Variants in PRELID2 observed in about 807,000 individuals in gnomAD.
PRELID2 encodes PRELI domain containing 2.
A neutral mutation model predicts 28.4 loss-of-function variants in PRELID2; 25 were observed. That is an observed-to-expected ratio of 0.88 (90% CI 0.64 to 1.23). PRELID2 has a LOEUF of 1.23. Among genes scored for constraint, PRELID2 ranks in the 50% most tolerant of loss-of-function variants. The probability of loss-of-function intolerance (pLI) is 0.00; values close to 1 mark genes in which losing one functional copy is unlikely to be tolerated. For synonymous variants in PRELID2, 76 were observed against 71.6 expected, an observed-to-expected ratio of 1.06 and a Z score of -0.31; for missense variants, 201 against 214.4, an observed-to-expected ratio of 0.94 and a Z score of 0.39.
At chr5:145,686,603 C>T (rs952850858) in intron 1 of PRELID2, among the ~76,000 whole-genome samples, 8 of 152,102 alleles carry the variant, frequency 5.3e-5, no homozygotes, top group Non-Finnish European at 8.8e-5. Flanking sequence ...TATTTGTGTG[C>T]GTGTTTTTTT....
chr5:145,797,194 T>TGAATAG (rs1238043142), intron 4 of PRELID2, among the ~76,000 whole-genome samples: 2 of 152,150 alleles, frequency 1.3e-5, no homozygotes, highest in Non-Finnish European at 2.9e-5. Context: ...GTAAGATGGC[T>TGAATAG]GAATAGGAAG....
the PRELID2 span, among the ~76,000 whole-genome samples, chr5:145,350,225 A>C: frequency 6.6e-6 from 1 of 152,236 alleles, no homozygotes; most frequent in African/African-American, 2.4e-5. Flanking sequence ...AATAGTCTTT[A>C]ACACTTAATT....
the PRELID2 span, among the ~76,000 whole-genome samples, chr5:145,282,589 G>A: frequency 4.7e-5 from 7 of 150,296 alleles, no homozygotes; most frequent in East Asian, 2.0e-4. Flanking sequence ...GCATGATCTC[G>A]GCTCACTGCA....
At chr5:145,263,251 A>C in the PRELID2 span, among the ~76,000 whole-genome samples, 1 of 152,192 alleles carries the variant, frequency 6.6e-6, no homozygotes, top group Admixed American at 6.5e-5. Flanking sequence ...GGACTTAAAC[A>C]CTCCACCAAC....
intron 1 of PRELID2, among the ~76,000 whole-genome samples, chr5:145,502,856 T>A (rs907004658): frequency 1.4e-5 from 2 of 148,104 alleles, no homozygotes; most frequent in Non-Finnish European, 3.0e-5. Context: ...TTTTTTTTTT[T>A]CTGCCGTGTC....
chr5:145,319,963 C>G, the PRELID2 span, among the ~76,000 whole-genome samples: 5 of 152,164 alleles, frequency 3.3e-5, no homozygotes, highest in African/African-American at 1.2e-4. Context: ...CACCAAAAGC[C>G]AATTTAATAA....
chr5:145,333,498 G>A, the PRELID2 span, among the ~76,000 whole-genome samples: 62 of 152,302 alleles, frequency 4.1e-4, no homozygotes, highest in African/African-American at 1.4e-3. Flanking sequence ...GAGGCAGTCT[G>A]GCTACAGCAG....
At chr5:145,595,243 G>T (rs1232953203) in intron 1 of PRELID2, among the ~76,000 whole-genome samples, 1 of 149,522 alleles carries the variant, frequency 6.7e-6, no homozygotes, top group Non-Finnish European at 1.5e-5. Flanking sequence ...CCACATGTCA[G>T]CCATGTTATT....
chr5:145,468,552 T>C (rs1447163367), downstream of PRELID2, among the ~76,000 whole-genome samples: 1 of 152,224 alleles, frequency 6.6e-6, no homozygotes, highest in Admixed American at 6.5e-5. Flanking sequence ...AAGTGTTTCC[T>C]ATTTCTCCAC....
At chr5:145,817,818 C>A in intron 4 of PRELID2, 76 bp downstream of exon 4, 3 of 1,241,624 alleles carry the variant, frequency 2.4e-6, no homozygotes, top group Non-Finnish European at 2.2e-6. Flanking sequence ...AGTATAGAAC[C>A]ATAGATTTTT....
At chr5:145,671,663 TCA>T in intron 1 of PRELID2, among the ~76,000 whole-genome samples, 1 of 152,178 alleles carries the variant, frequency 6.6e-6, no homozygotes, top group Non-Finnish European at 1.5e-5. Context: ...ACATCATTAA[TCA>T]ATTAGAATGT....
intron 1 of PRELID2, among the ~76,000 whole-genome samples, chr5:145,580,473 C>T (rs1051729566): frequency 2.0e-5 from 3 of 152,162 alleles, no homozygotes; most frequent in South Asian, 2.1e-4. Context: ...TAACATGTGG[C>T]TCAGAGGCCT....
At chr5:145,670,046 A>C (rs772018806) in intron 1 of PRELID2, among the ~76,000 whole-genome samples, 1 of 152,142 alleles carries the variant, frequency 6.6e-6, no homozygotes, top group African/African-American at 2.4e-5. Context: ...TTAGTCTATA[A>C]GCCCACTGTC....
the PRELID2 span, among the ~76,000 whole-genome samples, chr5:145,255,536 G>A: frequency 6.6e-6 from 1 of 152,012 alleles, no homozygotes; most frequent in Non-Finnish European, 1.5e-5. Flanking sequence ...TGCTTTGGGA[G>A]GCAGAGGTGA....
chr5:145,766,948 C>T (rs111802481), intron 5 of PRELID2, among the ~76,000 whole-genome samples: 1 of 152,138 alleles, frequency 6.6e-6, no homozygotes. Flanking sequence ...AGGCCTGAGT[C>T]TGTATGTGTG....
intron 1 of PRELID2, among the ~76,000 whole-genome samples, chr5:145,475,193 G>C (rs1752089458): frequency 6.6e-6 from 1 of 152,132 alleles, no homozygotes; most frequent in Non-Finnish European, 1.5e-5. Context: ...ATGAAGGAAT[G>C]AATGAATGAA....
the PRELID2 span, among the ~76,000 whole-genome samples, chr5:145,363,284 T>A: frequency 6.6e-6 from 1 of 152,068 alleles, no homozygotes; most frequent in African/African-American, 2.4e-5. Flanking sequence ...TAAACAACTC[T>A]TAAGGGCCCC....
intron 1 of PRELID2, among the ~76,000 whole-genome samples, chr5:145,520,859 CATAAAA>C (rs112058454): frequency 0.041 from 6,286 of 152,162 alleles, 404 homozygotes; most frequent in African/African-American, 0.14. Context: ...TGAATGAATA[CATAAAA>C]ATAAACTTTC....
intron 1 of PRELID2, among the ~76,000 whole-genome samples, chr5:145,617,794 C>T (rs187166867): frequency 9.3e-5 from 14 of 150,686 alleles, no homozygotes; most frequent in East Asian, 2.0e-4. Flanking sequence ...AGTGAAATGG[C>T]GCTATCTTTG....
Sources: gnomAD v4.1 joint callset for allele counts (sites outside exome capture counted in the v4.1 genomes callset) on GRCh38, gnomAD v4.1.1 for gene constraint, MANE v1.5 for transcripts, NCBI Gene and HGNC (gene_info 2026-07-23, HGNC 2026-07-21) for gene names.